Variants in SHISA6 observed in about 807,000 individuals in gnomAD.
SHISA6 encodes the protein shisa family member 6, also known as protein shisa-6.
Under a neutral mutation model 47.9 loss-of-function variants are expected in SHISA6, and 22 were observed. That is an observed-to-expected ratio of 0.46 (90% CI 0.33 to 0.66). The LOEUF (loss-of-function observed/expected upper bound fraction) is 0.66. Among genes scored for constraint, SHISA6 ranks in the 30% least tolerant of loss-of-function variants. SHISA6 has a pLI of 0.02. For synonymous variants in SHISA6, 388 were observed against 337.8 expected (o/e 1.15, Z -1.63); for missense variants, 680 against 764.6 (o/e 0.89, Z 1.30).
intron 3 of SHISA6, among the ~76,000 whole-genome samples, chr17:11,541,688 T>A (rs1463398021): frequency 2.6e-5 from 4 of 152,106 alleles, no homozygotes; most frequent in Non-Finnish European, 5.9e-5. Flanking sequence ...TACAAAATGT[T>A]CAACCTAAAA....
At chr17:11,257,297 G>A (rs78398727) in intron 1 of SHISA6, among the ~76,000 whole-genome samples, 5,057 of 152,206 alleles carry the variant, frequency 0.033, 276 homozygotes, top group African/African-American at 0.11. Flanking sequence ...GAAGCACTCC[G>A]ACTGTCCAGT....
intron 3 of SHISA6, among the ~76,000 whole-genome samples, chr17:11,479,158 A>G (rs1916149155): frequency 6.6e-6 from 1 of 152,024 alleles, no homozygotes; most frequent in Admixed American, 6.6e-5. Context: ...ATACTATACC[A>G]CTTCAAAAAT....
chr17:11,253,177 G>C (rs8067498), intron 1 of SHISA6, among the ~76,000 whole-genome samples: 132,581 of 152,170 alleles, frequency 0.87, 60,742 homozygotes, highest in East Asian at 1. Context: ...TTCCTGTTCA[G>C]TTCTGTCGAG....
intron 2 of SHISA6, among the ~76,000 whole-genome samples, chr17:11,276,225 G>A (rs1212797134): frequency 6.6e-6 from 1 of 152,080 alleles, no homozygotes; most frequent in East Asian, 1.9e-4. Flanking sequence ...TGATCCGCCC[G>A]TCTCAGCCTC....
intron 2 of SHISA6, among the ~76,000 whole-genome samples, chr17:11,281,931 G>A (rs1235604430): frequency 6.6e-6 from 1 of 152,170 alleles, no homozygotes; most frequent in Non-Finnish European, 1.5e-5. Context: ...ACTTCAGCTG[G>A]CTATCTTGCG....
intron 3 of SHISA6, among the ~76,000 whole-genome samples, chr17:11,465,501 C>T (rs1915787824): frequency 6.6e-6 from 1 of 152,120 alleles, no homozygotes; most frequent in Non-Finnish European, 1.5e-5. Flanking sequence ...CCTCTGGGCT[C>T]AAGAGATCCT....
At chr17:11,299,825 C>T (rs982135805) in intron 2 of SHISA6, among the ~76,000 whole-genome samples, 1 of 152,168 alleles carries the variant, frequency 6.6e-6, no homozygotes, top group African/African-American at 2.4e-5. Flanking sequence ...CTTGATCCCA[C>T]TTGCAAGGTT....
chr17:11,459,374 C>T (rs1438372153), intron 3 of SHISA6, among the ~76,000 whole-genome samples: 2 of 152,160 alleles, frequency 1.3e-5, no homozygotes, highest in Non-Finnish European at 2.9e-5. Flanking sequence ...TATAGCATTG[C>T]TCAGAGTCTG....
At chr17:11,368,297 T>C (rs1912519762) in intron 2 of SHISA6, among the ~76,000 whole-genome samples, 2 of 112,990 alleles carry the variant, frequency 1.8e-5, no homozygotes, top group African/African-American at 7.5e-5. Flanking sequence ...GGAGGTGAGA[T>C]GAGCTGACGT....
At chr17:11,518,303 A>G (rs2071601691) in intron 3 of SHISA6, among the ~76,000 whole-genome samples, 1 of 152,216 alleles carries the variant, frequency 6.6e-6, no homozygotes, top group African/African-American at 2.4e-5. Flanking sequence ...TGCTGGGCAC[A>G]TAGTGACATT....
chr17:11,469,058 T>C (rs964461865), intron 3 of SHISA6, among the ~76,000 whole-genome samples: 7 of 147,396 alleles, frequency 4.7e-5, no homozygotes, highest in African/African-American at 1.8e-4. Context: ...GATAAGTCTT[T>C]GGGCCTCCGT....
chr17:11,444,982 T>C (rs918688097), intron 3 of SHISA6, among the ~76,000 whole-genome samples: 4 of 152,224 alleles, frequency 2.6e-5, no homozygotes, highest in African/African-American at 9.6e-5. Context: ...ATAAGTTATA[T>C]AGAGGCACTG....
chr17:11,389,497 A>G (rs1334341367), intron 3 of SHISA6, among the ~76,000 whole-genome samples: 1 of 152,194 alleles, frequency 6.6e-6, no homozygotes, highest in African/African-American at 2.4e-5. Flanking sequence ...ATTCCTCAGC[A>G]TTCACCAGCT....
intron 3 of SHISA6, among the ~76,000 whole-genome samples, chr17:11,410,822 T>G (rs1196593219): frequency 6.6e-6 from 1 of 152,178 alleles, no homozygotes; most frequent in East Asian, 1.9e-4. Flanking sequence ...TCAGAAAATC[T>G]GGGGTTGGGA....
chr17:11,468,204 ATTC>A (rs906626892), intron 3 of SHISA6, among the ~76,000 whole-genome samples: 6 of 150,110 alleles, frequency 4.0e-5, no homozygotes, highest in Non-Finnish European at 8.9e-5. Flanking sequence ...CTTGAAAACC[ATTC>A]TTTGATTTTC....
intron 3 of SHISA6, among the ~76,000 whole-genome samples, chr17:11,530,186 T>A (rs558440318): frequency 6.6e-6 from 1 of 152,300 alleles, no homozygotes; most frequent in Admixed American, 6.5e-5. Context: ...TACACTAAGT[T>A]CTGCCTGTTA....
intron 3 of SHISA6, among the ~76,000 whole-genome samples, chr17:11,395,728 C>T (rs955448732): frequency 1.9e-4 from 29 of 151,792 alleles, no homozygotes; most frequent in Admixed American, 3.3e-4. Context: ...ATGTTGGCCA[C>T]GCTGGTCTCG....
At chr17:11,272,885 T>G (rs897820041) in intron 2 of SHISA6, among the ~76,000 whole-genome samples, 1 of 152,204 alleles carries the variant, frequency 6.6e-6, no homozygotes, top group Non-Finnish European at 1.5e-5. Flanking sequence ...TGAAACAACC[T>G]GGAATCCAGA....
intron 1 of SHISA6, among the ~76,000 whole-genome samples, chr17:11,248,194 A>G (rs1017186416): frequency 2.0e-5 from 3 of 152,194 alleles, no homozygotes; most frequent in Admixed American, 6.5e-5. Flanking sequence ...TTAATTTTAA[A>G]ACAATTCAGG....
Sources: gnomAD v4.1 joint callset for allele counts (sites outside exome capture counted in the v4.1 genomes callset) on GRCh38, gnomAD v4.1.1 for gene constraint, MANE v1.5 for transcripts, NCBI Gene and HGNC (gene_info 2026-07-23, HGNC 2026-07-21) for gene names.